The following NTM variants were observed in gnomAD, a reference collection of about 807,000 sequenced individuals.
NTM encodes the protein IgLON family member 2.
Under a neutral mutation model 42.1 loss-of-function variants are expected in NTM, and 13 were observed. The ratio of observed to expected loss-of-function variants is 0.31; its 90% CI spans 0.20 to 0.49. NTM has a LOEUF of 0.49. Ranked by LOEUF, NTM falls within the 20% of genes least tolerant of loss-of-function variation. The pLI is 0.99. For missense variants in NTM, 373 were observed against 452.8 expected (o/e 0.82, Z 1.60); for synonymous variants, 187 against 179.2 (o/e 1.04, Z -0.35).
intron 4 of NTM, among the ~76,000 whole-genome samples, chr11:132,229,207 ACTC>A (rs1342815408): frequency 1.3e-5 from 2 of 151,390 alleles, no homozygotes; most frequent in East Asian, 3.9e-4. Flanking sequence ...CCATTTGAGA[ACTC>A]CTCATTTTTC....
chr11:131,792,734 T>C (rs2091105600), intron 1 of NTM, among the ~76,000 whole-genome samples: 1 of 152,198 alleles, frequency 6.6e-6, no homozygotes, highest in South Asian at 2.1e-4. Context: ...TGCAGCCCCT[T>C]GATCTTTGAA....
intron 4 of NTM, among the ~76,000 whole-genome samples, chr11:132,303,311 CA>C (rs2094935507): frequency 6.6e-6 from 1 of 152,232 alleles, no homozygotes; most frequent in Non-Finnish European, 1.5e-5. Context: ...CTGACAGTGA[CA>C]GGGGAGAACC....
intron 3 of NTM, among the ~76,000 whole-genome samples, chr11:132,195,724 T>C (rs2080100059): frequency 6.6e-6 from 1 of 152,166 alleles, no homozygotes; most frequent in Admixed American, 6.5e-5. Context: ...CCCTATTCAA[T>C]AGATGGTGCA....
At chr11:131,889,728 G>A (rs1158252588) in intron 1 of NTM, among the ~76,000 whole-genome samples, 2 of 152,130 alleles carry the variant, frequency 1.3e-5, no homozygotes, top group African/African-American at 4.8e-5. Context: ...AGTGGGAAGT[G>A]CAAAGAGAGG....
chr11:131,458,830 A>G (rs1036397675), intron 1 of NTM, among the ~76,000 whole-genome samples: 1 of 152,222 alleles, frequency 6.6e-6, no homozygotes, highest in African/African-American at 2.4e-5. Flanking sequence ...TTATTCAAAC[A>G]GTTTTCTGGG....
In NTM at chr11:132,335,047, T is replaced by A. The variant is rs1393264927; in HGVS notation, c.969T>A (p.Gly323=). ...ACGGCGAGTGTGTTCTCTCCACAGG[T>A]CCAGGCGCCGTCAGCGAGGTGAGCA... ...VKTTALTPWK[G]PGAVSEVSNG... The change falls in exon 9 of 9, where the codon GGT becomes GGA. Residue 323 remains glycine, a splice_region_variant and synonymous_variant. Transcript: ENST00000683400. 1 of 1,611,906 alleles carries A rather than the reference T, an allele frequency of 6.2e-7. No homozygotes were observed. The highest frequency in any genetic ancestry group is 8.5e-7 in the Non-Finnish European group (1 of 1,179,910).
At chr11:132,059,390 C>T (rs1219391809) in intron 2 of NTM, among the ~76,000 whole-genome samples, 1 of 152,214 alleles carries the variant, frequency 6.6e-6, no homozygotes, top group East Asian at 1.9e-4. Context: ...CTCCAAGTAA[C>T]AGTGCTTCAG....
At chr11:131,649,763 A>AT (rs2066240319) in intron 1 of NTM, among the ~76,000 whole-genome samples, 1 of 152,228 alleles carries the variant, frequency 6.6e-6, no homozygotes. Context: ...ATGATAGTCC[A>AT]TGAATAACCA....
At chr11:132,323,039 G>C (rs1471192118) in intron 7 of NTM, among the ~76,000 whole-genome samples, 1 of 132,864 alleles carries the variant, frequency 7.5e-6, no homozygotes, top group Non-Finnish European at 1.6e-5. Flanking sequence ...AGTGTGTAGA[G>C]GGAAATTTAT....
intron 4 of NTM, among the ~76,000 whole-genome samples, chr11:132,255,254 C>T (rs1016941232): frequency 2.0e-4 from 31 of 152,344 alleles, no homozygotes; most frequent in African/African-American, 7.2e-4. Flanking sequence ...TCTCTTTTGG[C>T]TCTCTTTTAG....
At chr11:132,149,253 G>T (rs1437533414) in intron 3 of NTM, among the ~76,000 whole-genome samples, 1 of 102,752 alleles carries the variant, frequency 9.7e-6, no homozygotes, top group Non-Finnish European at 2.1e-5. Context: ...AAAAGGGAAA[G>T]AAATATATTT....
chr11:132,309,986 G>A (rs2095230396), intron 5 of NTM, 126 bp from the exon 6 acceptor site: 1 of 1,166,842 alleles, frequency 8.6e-7, no homozygotes, highest in Non-Finnish European at 1.2e-6. Context: ...AACCCGGGAG[G>A]CAGAACGTGC....
chr11:131,370,796 GA>G lies in NTM; in HGVS notation c.-3del, dbSNP rs748819622. Reference sequence around the variant, plus strand: ...TGACAAAAAAGAAGAAAAAGAAGAAGAAAAAAAATCATGAAAACCATCCAGC... The same window carrying G: ...TGACAAAAAAGAAGAAAAAGAAGAAGAAAAAAATCATGAAAACCATCCAGC... On this transcript the variant is annotated 5_prime_UTR_variant, in exon 1 of 9. Coordinates refer to ENST00000683400, the MANE Select transcript of NTM (RefSeq NM_001352005.2). 34 of 1,607,794 alleles carry G rather than the reference GA, an allele frequency of 2.1e-5. No individual in the cohort carries two copies. Among genetic ancestry groups the G allele is most frequent in the African/African-American group, 2.7e-5 (2 of 74,340 alleles).
At chr11:131,543,850 C>T (rs894689396) in intron 1 of NTM, among the ~76,000 whole-genome samples, 1 of 152,190 alleles carries the variant, frequency 6.6e-6, no homozygotes, top group African/African-American at 2.4e-5. Context: ...TTATGGCAGG[C>T]ACATTAATGC....
chr11:131,382,484 A>T (rs572046123), intron 1 of NTM, among the ~76,000 whole-genome samples: 2 of 152,222 alleles, frequency 1.3e-5, no homozygotes, highest in Non-Finnish European at 2.9e-5. Flanking sequence ...TTATAAAGTT[A>T]TCATCACTTG....
chr11:131,812,214 C>T (rs200831340), intron 1 of NTM, among the ~76,000 whole-genome samples: 4 of 142,672 alleles, frequency 2.8e-5, no homozygotes, highest in African/African-American at 8.5e-5. Context: ...CTCTCTCTCT[C>T]TCTCTCTTCC....
intron 2 of NTM, among the ~76,000 whole-genome samples, chr11:132,058,596 G>A (rs2080109435): frequency 6.6e-6 from 1 of 152,104 alleles, no homozygotes; most frequent in Non-Finnish European, 1.5e-5. Flanking sequence ...CTATCTTTCA[G>A]GGATTATTCA....
At chr11:132,259,466 G>A (rs2139509731) in intron 4 of NTM, among the ~76,000 whole-genome samples, 1 of 152,134 alleles carries the variant, frequency 6.6e-6, no homozygotes. Flanking sequence ...TGGATCACAA[G>A]GTCAGGAGTT....
chr11:132,023,098 T>C (rs943660425), intron 2 of NTM, among the ~76,000 whole-genome samples: 1 of 151,886 alleles, frequency 6.6e-6, no homozygotes, highest in African/African-American at 2.4e-5. Flanking sequence ...GAGGGGAAAA[T>C]TTTACTTTGA....
Sources: gnomAD v4.1 joint callset for allele counts (sites outside exome capture counted in the v4.1 genomes callset) on GRCh38, gnomAD v4.1.1 for gene constraint, MANE v1.5 for transcripts, NCBI Gene and HGNC (gene_info 2026-07-23, HGNC 2026-07-21) for gene names.